The following GPC3 variants were observed in gnomAD, a reference collection of about 807,000 sequenced individuals.
GPC3 encodes glypican-3.
A neutral mutation model predicts 34.4 loss-of-function variants in GPC3; 3 were observed. The observed-to-expected ratio is 0.09, with a 90% CI of 0.04 to 0.23. The LOEUF is 0.23. GPC3 is among the 10% of genes least tolerant of loss of function. The pLI is 1.00. For synonymous variants in GPC3, 177 were observed against 174.0 expected, an observed-to-expected ratio of 1.02 and a Z score of -0.13; for missense variants, 351 against 445.6, an observed-to-expected ratio of 0.79 and a Z score of 1.91.
intron 2 of GPC3, among the ~76,000 whole-genome samples, chrX:133,909,353 A>G (rs754068226): frequency 2.7e-5 from 3 of 112,056 alleles, no homozygotes; most frequent in Non-Finnish European, 5.6e-5. Flanking sequence ...ACATATTTAT[A>G]TTTGACATTC....
intron 2 of GPC3, among the ~76,000 whole-genome samples, chrX:133,815,561 GAAAACTAAA>G (rs1194205334): frequency 1.8e-5 from 2 of 110,574 alleles, no homozygotes; most frequent in African/African-American, 3.3e-5. Context: ...CTTCCCTTAG[GAAAACTAAA>G]AAAACTAAAA....
At position 133,927,514 on chromosome X, in the gene GPC3, T is replaced by C. The variant is rs372161854; in HGVS notation, c.337+25536A>G. 2.5e-4 allele frequency among the ~76,000 whole-genome samples: 27 copies of C among 109,746 alleles called. 3 individuals carry two copies. In the East Asian group the frequency reaches 4.3e-3, roughly 18 times the overall value. The stretch of plus-strand genomic sequence containing the variant: ...TTCTTTTCTAGACAGTCTCCCTCTG[T>C]CACCCAGGCTGGAGTGCCTTGATGC... On this transcript the variant is annotated intron_variant, in intron 2 of 7. Transcript: ENST00000370818.
At chrX:133,737,865 C>T (rs143540116) in intron 3 of GPC3, among the ~76,000 whole-genome samples, 1,483 of 111,819 alleles carry the variant, frequency 0.013, 24 homozygotes, top group African/African-American at 0.044. Flanking sequence ...GAATTTGTGA[C>T]ATTTGTGTTG....
chrX:133,709,948 T>A (rs2071252929), intron 3 of GPC3, among the ~76,000 whole-genome samples: 1 of 112,132 alleles, frequency 8.9e-6, no homozygotes, highest in Non-Finnish European at 1.9e-5. Context: ...AACTATTGAT[T>A]GATCTGATAT....
intron 2 of GPC3, among the ~76,000 whole-genome samples, chrX:133,764,598 A>G (rs2071829106): frequency 8.9e-6 from 1 of 112,019 alleles, no homozygotes; most frequent in Non-Finnish European, 1.9e-5. Context: ...GTTCAGGAAA[A>G]AGACACCCTT....
chrX:133,962,849 T>C (rs188301742), intron 1 of GPC3, among the ~76,000 whole-genome samples: 1 of 112,030 alleles, frequency 8.9e-6, no homozygotes, highest in East Asian at 2.8e-4. Context: ...CCCCAACATG[T>C]ATGAAATCAC....
intron 2 of GPC3, among the ~76,000 whole-genome samples, chrX:133,951,959 A>G (rs947012301): frequency 9.0e-6 from 1 of 111,490 alleles, no homozygotes; most frequent in Non-Finnish European, 1.9e-5. Flanking sequence ...TGCAATGTCA[A>G]GCAGTCAGAA....
chrX:133,849,507 G>A (rs1382059373), intron 2 of GPC3, among the ~76,000 whole-genome samples: 1 of 111,366 alleles, frequency 9.0e-6, no homozygotes, highest in East Asian at 2.8e-4. Context: ...CAGCTGAAGA[G>A]GTAACCATTT....
chrX:133,641,857 C>T (rs760160208), intron 6 of GPC3, among the ~76,000 whole-genome samples: 1 of 112,548 alleles, frequency 8.9e-6, no homozygotes, highest in African/African-American at 3.2e-5. Flanking sequence ...TTCTCAAGAA[C>T]GTCTAAAGGT....
At chrX:133,803,511 T>C (rs1449779133) in intron 2 of GPC3, among the ~76,000 whole-genome samples, 1 of 111,851 alleles carries the variant, frequency 8.9e-6, no homozygotes, top group African/African-American at 3.3e-5. Flanking sequence ...GTTTGACTAC[T>C]TGGATTGGGT....
chrX:133,611,124 G>T (rs780320435), intron 6 of GPC3, among the ~76,000 whole-genome samples: 9 of 108,851 alleles, frequency 8.3e-5, no homozygotes, highest in Non-Finnish European at 1.7e-4. Flanking sequence ...TTAAGTTCCA[G>T]TAGGGGAAAA....
chrX:133,783,346 C>T (rs1356291696), intron 2 of GPC3, among the ~76,000 whole-genome samples: 1 of 111,847 alleles, frequency 8.9e-6, no homozygotes, highest in Non-Finnish European at 1.9e-5. Context: ...TTTACAGGGC[C>T]TAGAAAGATG....
chrX:133,578,554 C>T (rs2069706669), intron 7 of GPC3, among the ~76,000 whole-genome samples: 1 of 111,827 alleles, frequency 8.9e-6, no homozygotes, highest in Non-Finnish European at 1.9e-5. Flanking sequence ...AGGCACATGC[C>T]TGTAGTCCCA....
intron 2 of GPC3, among the ~76,000 whole-genome samples, chrX:133,894,193 T>C (rs2076101459): frequency 8.9e-6 from 1 of 111,904 alleles, no homozygotes; most frequent in Non-Finnish European, 1.9e-5. Flanking sequence ...CATGTGCCTC[T>C]GACCCTTGGA....
intron 5 of GPC3, among the ~76,000 whole-genome samples, chrX:133,669,671 C>A (rs943671152): frequency 8.9e-6 from 1 of 111,990 alleles, no homozygotes; most frequent in Admixed American, 9.5e-5. Flanking sequence ...ATTAAATTGT[C>A]CTCCTCTGCA....
intron 7 of GPC3, among the ~76,000 whole-genome samples, chrX:133,554,022 T>C (rs866293213): frequency 4.5e-5 from 4 of 88,232 alleles, no homozygotes; most frequent in Non-Finnish European, 6.1e-5. Context: ...CTCTCTCTCT[T>C]TTTTTTTTTT....
chrX:133,703,457 G>A (rs1357018314), intron 3 of GPC3, among the ~76,000 whole-genome samples: 2 of 106,913 alleles, frequency 1.9e-5, no homozygotes, highest in Admixed American at 2.0e-4. Context: ...TCCAGGCCAG[G>A]AAGTTTTTTT....
intron 5 of GPC3, among the ~76,000 whole-genome samples, chrX:133,681,105 T>C (rs1311459595): frequency 8.9e-6 from 1 of 112,073 alleles, no homozygotes; most frequent in African/African-American, 3.2e-5. Context: ...AGGGCTTTTT[T>C]ATAGGTTTTT....
At chrX:133,734,790 T>C (rs986174392) in intron 3 of GPC3, among the ~76,000 whole-genome samples, 4 of 111,317 alleles carry the variant, frequency 3.6e-5, no homozygotes, top group African/African-American at 1.3e-4. Context: ...TCAGTAATGC[T>C]AGTGGGTACA....
Sources: allele counts gnomAD v4.1 joint callset (sites outside exome capture counted in the v4.1 genomes callset), GRCh38; gene constraint gnomAD v4.1.1; transcripts MANE v1.5; gene names NCBI Gene and HGNC (gene_info 2026-07-23, HGNC 2026-07-21).